Variants in FAM168A observed in about 807,000 individuals in gnomAD.
FAM168A encodes the protein family with sequence similarity 168 member A.
FAM168A carries 3 observed loss-of-function variants against 28.5 expected under a neutral mutation model. That is an observed-to-expected ratio of 0.11 (90% CI 0.05 to 0.27). The LOEUF (loss-of-function observed/expected upper bound fraction) is 0.27. Among genes scored for constraint, FAM168A ranks in the 10% least tolerant of loss-of-function variants. FAM168A has a pLI of 1.00. For missense variants in FAM168A, 222 were observed against 311.5 expected (o/e 0.71, Z 2.16); for synonymous variants, 122 against 124.2 (o/e 0.98, Z 0.12).
At chr11:73,472,720 A>AT (rs1273946040) in intron 1 of FAM168A, among the ~76,000 whole-genome samples, 3 of 152,180 alleles carry the variant, frequency 2.0e-5, no homozygotes, top group Non-Finnish European at 4.4e-5. Context: ...TTTTTTATAT[A>AT]TTTTGAAGAT....
At chr11:73,504,035 C>G (rs1855062286) in intron 1 of FAM168A, among the ~76,000 whole-genome samples, 1 of 151,948 alleles carries the variant, frequency 6.6e-6, no homozygotes, top group South Asian at 2.1e-4. Flanking sequence ...ATGTAAAACC[C>G]AAAATAATAA....
chr11:73,537,472 G>A (rs974278913), intron 1 of FAM168A, among the ~76,000 whole-genome samples: 1 of 152,128 alleles, frequency 6.6e-6, no homozygotes, highest in Admixed American at 6.6e-5. Flanking sequence ...GAGGTAGGAG[G>A]ATCGCTTGAA....
chr11:73,519,011 T>C (rs1943339628), intron 1 of FAM168A, among the ~76,000 whole-genome samples: 2 of 152,200 alleles, frequency 1.3e-5, no homozygotes, highest in African/African-American at 2.4e-5. Context: ...CAGATGCTGA[T>C]GCCATGCTTC....
chr11:73,435,599 T>A (rs944534619), intron 2 of FAM168A, among the ~76,000 whole-genome samples: 2 of 152,270 alleles, frequency 1.3e-5, no homozygotes, highest in African/African-American at 4.8e-5. Context: ...TTTATTTATT[T>A]ATTAATTACA....
chr11:73,502,762 G>A (rs1855034799), intron 1 of FAM168A, among the ~76,000 whole-genome samples: 3 of 152,144 alleles, frequency 2.0e-5, no homozygotes, highest in Admixed American at 2.0e-4. Context: ...TAAAATACTG[G>A]CAAACTGAAT....
intron 2 of FAM168A, among the ~76,000 whole-genome samples, chr11:73,439,045 T>G (rs1867145690): frequency 6.6e-6 from 1 of 152,084 alleles, no homozygotes; most frequent in South Asian, 2.1e-4. Context: ...AATCTGAATT[T>G]CTCTTACTAG....
intron 1 of FAM168A, among the ~76,000 whole-genome samples, chr11:73,525,021 AT>A (rs11292586): frequency 0.28 from 40,794 of 143,440 alleles, 6,408 homozygotes; most frequent in African/African-American, 0.48. Context: ...GTTTTTTGCA[AT>A]TTTTTTTTTT....
At chr11:73,455,519 A>T (rs2134553870) in intron 2 of FAM168A, among the ~76,000 whole-genome samples, 1 of 152,338 alleles carries the variant, frequency 6.6e-6, no homozygotes, top group African/African-American at 2.4e-5. Context: ...ACAGTGGCAC[A>T]TCCCTCTGAG....
In FAM168A at chr11:73,443,844, GCAC is replaced by G. The variant is rs376418394; in HGVS notation, c.71-13077_71-13075del. Reference sequence around the variant, plus strand: ...ATTTTTGAGTATCTATTCTATGTTAGCACCAGTGTCCTTTTTTCCTTCTCCTGT... The same window carrying G: ...ATTTTTGAGTATCTATTCTATGTTAGCAGTGTCCTTTTTTCCTTCTCCTGT... On this transcript the variant is annotated intron_variant, in intron 2 of 7. Coordinates refer to ENST00000356467, the MANE Select transcript of FAM168A (RefSeq NM_015159.3). Among the ~76,000 whole-genome samples, 23 of 152,222 alleles carry G rather than the reference GCAC, an allele frequency of 1.5e-4. No individual in the cohort carries two copies. The East Asian group carries it at 4.2e-3, about 28-fold the overall frequency.
chr11:73,496,543 TTTTG>T (rs201629886), intron 1 of FAM168A, among the ~76,000 whole-genome samples: 36 of 152,328 alleles, frequency 2.4e-4, no homozygotes, highest in African/African-American at 4.6e-4. Flanking sequence ...TTATGTTATT[TTTTG>T]TTTGTTTGTT....
At chr11:73,534,066 T>C (rs528891689) in intron 1 of FAM168A, among the ~76,000 whole-genome samples, 1 of 152,224 alleles carries the variant, frequency 6.6e-6, no homozygotes, top group South Asian at 2.1e-4. Context: ...ACATGATTTC[T>C]TCACCTGTCA....
intron 2 of FAM168A, among the ~76,000 whole-genome samples, chr11:73,450,333 T>C (rs1422250198): frequency 6.6e-6 from 1 of 152,220 alleles, no homozygotes. Context: ...ATTTACTAAA[T>C]GGGAGATAGG....
chr11:73,491,304 T>TG, intron 1 of FAM168A, among the ~76,000 whole-genome samples: 1 of 152,100 alleles, frequency 6.6e-6, no homozygotes, highest in Non-Finnish European at 1.5e-5. Flanking sequence ...GAAGGAGACT[T>TG]AATGTTTGGT....
intron 1 of FAM168A, among the ~76,000 whole-genome samples, chr11:73,544,860 A>ATT (rs1943711574): frequency 2.1e-5 from 2 of 96,676 alleles, no homozygotes; most frequent in African/African-American, 1.0e-4. Flanking sequence ...TATAATATAT[A>ATT]ATATATAATT....
intron 2 of FAM168A, among the ~76,000 whole-genome samples, chr11:73,432,576 C>T (rs754204845): frequency 6.6e-6 from 1 of 152,028 alleles, no homozygotes; most frequent in African/African-American, 2.4e-5. Context: ...ATCTGTATAT[C>T]CTCTCTGGAG....
intron 1 of FAM168A, among the ~76,000 whole-genome samples, chr11:73,505,012 G>A (rs1207635539): frequency 2.0e-5 from 3 of 152,090 alleles, no homozygotes; most frequent in Non-Finnish European, 2.9e-5. Context: ...TGCAGGGTGA[G>A]GGGTGAGGGA....
intron 1 of FAM168A, among the ~76,000 whole-genome samples, chr11:73,483,675 A>G (rs568605912): frequency 3.3e-5 from 5 of 152,350 alleles, no homozygotes; most frequent in African/African-American, 1.2e-4. Flanking sequence ...CGGAACTGAC[A>G]GAATTTGAAA....
chr11:73,537,603 A>G (rs1590840670), intron 1 of FAM168A, among the ~76,000 whole-genome samples: 1 of 152,162 alleles, frequency 6.6e-6, no homozygotes, highest in Non-Finnish European at 1.5e-5. Context: ...CTTATTGTGA[A>G]GCAAATTATT....
intron 2 of FAM168A, among the ~76,000 whole-genome samples, chr11:73,449,418 A>C (rs1867385897): frequency 6.6e-6 from 1 of 152,246 alleles, no homozygotes; most frequent in Non-Finnish European, 1.5e-5. Flanking sequence ...CACTGGATTT[A>C]CTAGGGAATG....
Sources: gnomAD v4.1 joint callset for allele counts (sites outside exome capture counted in the v4.1 genomes callset) on GRCh38, gnomAD v4.1.1 for gene constraint, MANE v1.5 for transcripts, NCBI Gene and HGNC (gene_info 2026-07-23, HGNC 2026-07-21) for gene names.